The following CACNB2 variants were observed in gnomAD, a reference collection of about 807,000 sequenced individuals.
The protein encoded by CACNB2 is voltage-dependent L-type calcium channel subunit beta-2.
In CACNB2, 42 loss-of-function variants were observed where a neutral mutation model predicts 73.3. The observed-to-expected ratio is 0.57, with a 90% CI of 0.45 to 0.74. CACNB2 has a LOEUF of 0.74. CACNB2 is among the 30% of genes least tolerant of loss of function. The pLI is 0.00. For missense variants in CACNB2, 940 were observed against 853.0 expected (o/e 1.10, Z -1.27); for synonymous variants, 348 against 310.3 (o/e 1.12, Z -1.28).
rs180916855 is a variant in CACNB2 at position 18,159,592 on chromosome 10, G to A, written c.213+8617G>A. 9.9e-5 allele frequency among the ~76,000 whole-genome samples: 15 copies of A among 152,232 alleles called. 1 individual carries two copies. The East Asian group carries it at 1.5e-3, about 16-fold the overall frequency. Reference sequence around the variant, plus strand: ...GAACATGGTATTCTAAACAAATTCCGTCGTCTCTCAGTACCTTGTTCTTGG... The same window carrying A: ...GAACATGGTATTCTAAACAAATTCCATCGTCTCTCAGTACCTTGTTCTTGG... On this transcript the variant is annotated intron_variant, in intron 2 of 13. Transcript: ENST00000324631.
chr10:18,189,795 G>A (rs2034315328), intron 2 of CACNB2, among the ~76,000 whole-genome samples: 1 of 152,200 alleles, frequency 6.6e-6, no homozygotes, highest in Middle Eastern at 3.4e-3. Flanking sequence ...CTAGAACACT[G>A]GACCAGTTTA....
chr10:18,389,195 G>C (rs931139763), intron 2 of CACNB2, among the ~76,000 whole-genome samples: 2 of 152,198 alleles, frequency 1.3e-5, no homozygotes, highest in Non-Finnish European at 2.9e-5. Context: ...CTGGATTGCA[G>C]TGGCATGATC....
intron 3 of CACNB2, among the ~76,000 whole-genome samples, chr10:18,467,052 G>T (rs2047930206): frequency 6.6e-6 from 1 of 152,116 alleles, no homozygotes; most frequent in South Asian, 2.1e-4. Flanking sequence ...TGCTAGGGAG[G>T]CTGAGGCAGG....
intron 2 of CACNB2, among the ~76,000 whole-genome samples, chr10:18,321,864 C>A (rs1268462761): frequency 2.6e-5 from 4 of 152,018 alleles, no homozygotes; most frequent in Admixed American, 2.0e-4. Context: ...AGGGAGAAAC[C>A]TTTCTAAGCC....
chr10:18,522,074 A>G (rs1189876710), intron 9 of CACNB2, among the ~76,000 whole-genome samples: 2 of 152,106 alleles, frequency 1.3e-5, no homozygotes, highest in Non-Finnish European at 2.9e-5. Context: ...AGATTCTCAT[A>G]GGAGCACAAA....
chr10:18,315,412 G>A lies in CACNB2; in HGVS notation c.214-86512G>A, dbSNP rs539770870. Among the ~76,000 whole-genome samples, 4 of 140,666 alleles carry A rather than the reference G, an allele frequency of 2.8e-5. No homozygotes were observed. In the South Asian group the frequency reaches 9.3e-4, roughly 33 times the overall value. The allele number at this position is 140,666 out of a possible 152,430, so 92.3% of individuals were successfully genotyped here. On this transcript the variant is annotated intron_variant, in intron 2 of 13. Coordinates refer to ENST00000324631, the MANE Select transcript of CACNB2 (RefSeq NM_201596.3). ...ACTGTAGCTCACGCCTGTAATCCCA[G>A]TGCTTTGGGAGGACAAGGCAGGAGG...
chr10:18,447,839 A>G (rs2046810203), intron 3 of CACNB2, among the ~76,000 whole-genome samples: 1 of 152,198 alleles, frequency 6.6e-6, no homozygotes, highest in Non-Finnish European at 1.5e-5. Context: ...TCTTTTTAAA[A>G]AAATCTTTAC....
chr10:18,398,494 C>T (rs1421776142), intron 2 of CACNB2, among the ~76,000 whole-genome samples: 1 of 152,024 alleles, frequency 6.6e-6, no homozygotes, highest in Non-Finnish European at 1.5e-5. Context: ...CATAGTGAGA[C>T]CCATCTCTAC....
At chr10:18,163,238 A>G (rs886821638) in intron 2 of CACNB2, among the ~76,000 whole-genome samples, 2 of 152,216 alleles carry the variant, frequency 1.3e-5, no homozygotes, top group Admixed American at 1.3e-4. Context: ...GAGATGGATG[A>G]TGTTAGTATC....
chr10:18,366,964 C>T lies in CACNB2; in HGVS notation c.214-34960C>T, dbSNP rs150987267. On this transcript the variant is annotated intron_variant, in intron 2 of 13. Coordinates refer to ENST00000324631, the MANE Select transcript of CACNB2 (RefSeq NM_201596.3). The stretch of plus-strand genomic sequence containing the variant: ...TATCACTATATTCCAGCTGTGGAAA[C>T]TGTATCACTGTCATAATGCACTTGA... Among the ~76,000 whole-genome samples the T allele has an allele frequency of 2.7e-3, 413 of 152,298 alleles. 1 individual carries two copies. Among genetic ancestry groups the T allele is most frequent in the African/African-American group, 9.5e-3 (396 of 41,570 alleles).
chr10:18,421,794 A>C (rs2132724507), intron 3 of CACNB2, among the ~76,000 whole-genome samples: 1 of 152,306 alleles, frequency 6.6e-6, no homozygotes, highest in Non-Finnish European at 1.5e-5. Flanking sequence ...AAGTACAAGA[A>C]TCTCTTGCTA....
At chr10:18,412,006 T>G (rs755334751) in intron 3 of CACNB2, among the ~76,000 whole-genome samples, 1 of 152,210 alleles carries the variant, frequency 6.6e-6, no homozygotes, top group African/African-American at 2.4e-5. Flanking sequence ...TTCTGGTTAG[T>G]TGGTGACCAG....
At chr10:18,153,128 G>A (rs2031744077) in intron 2 of CACNB2, among the ~76,000 whole-genome samples, 1 of 152,204 alleles carries the variant, frequency 6.6e-6, no homozygotes, top group African/African-American at 2.4e-5. Context: ...GATAACAAGA[G>A]TTGTTAAATG....
At chr10:18,185,664 A>G (rs2131238737) in intron 2 of CACNB2, among the ~76,000 whole-genome samples, 1 of 152,342 alleles carries the variant, frequency 6.6e-6, no homozygotes, top group East Asian at 1.9e-4. Flanking sequence ...TACCTTGACA[A>G]AAGGTTGGCA....
intron 2 of CACNB2, among the ~76,000 whole-genome samples, chr10:18,207,817 C>CTA (rs1287554799): frequency 3.9e-5 from 6 of 151,986 alleles, no homozygotes. Flanking sequence ...ATATTGTATA[C>CTA]TATATATATA....
At chr10:18,406,965 A>G (rs7905106) in intron 3 of CACNB2, among the ~76,000 whole-genome samples, 66,770 of 151,484 alleles carry the variant, frequency 0.44, 16,793 homozygotes, top group African/African-American at 0.69. Context: ...AGACCCTTTC[A>G]GAGAAAGGTT....
In CACNB2 at chr10:18,140,784, G is replaced by T. The variant is rs776286531; in HGVS notation, c.48G>T (p.Ala16=). The change falls in exon 1 of 14, where the codon GCG becomes GCT. Residue 16 remains alanine (A), a synonymous_variant. Coordinates refer to ENST00000324631, the MANE Select transcript of CACNB2 (RefSeq NM_201596.3). ...MSKSPPTAAA[A]VAQEIQMELL... is the part of the protein sequence containing the mutation. ...AGTCGCCTCCCACAGCGGCGGCGGC[G>T]GTGGCGCAGGAGATCCAGATGGAAC... 4 of 1,599,668 alleles carry T rather than the reference G, an allele frequency of 2.5e-6. No individual in the cohort carries two copies. The highest frequency in any genetic ancestry group is 1.7e-5 in the Admixed American group (1 of 57,814).
intron 1 of CACNB2, among the ~76,000 whole-genome samples, chr10:18,145,174 A>C (rs1336078332): frequency 1.3e-5 from 2 of 152,240 alleles, no homozygotes; most frequent in African/African-American, 2.4e-5. Flanking sequence ...ATGTTGTGGT[A>C]ATACAGCCTG....
At chr10:18,521,160 T>C (rs141850058) in intron 9 of CACNB2, among the ~76,000 whole-genome samples, 6 of 152,318 alleles carry the variant, frequency 3.9e-5, no homozygotes, top group African/African-American at 1.4e-4. Context: ...AAACCATAAA[T>C]TGAAACCTGT....
Sources: gnomAD v4.1 joint callset for allele counts (sites outside exome capture counted in the v4.1 genomes callset) on GRCh38, gnomAD v4.1.1 for gene constraint, MANE v1.5 for transcripts, NCBI Gene and HGNC (gene_info 2026-07-23, HGNC 2026-07-21) for gene names.